EXOC4: variants seen among roughly 807,000 people sequenced by gnomAD.
EXOC4 encodes SEC8-like 1.
A neutral mutation model predicts 107.2 loss-of-function variants in EXOC4; 71 were observed. The observed-to-expected ratio is 0.66, with a 90% confidence interval of 0.55 to 0.81. EXOC4 has a LOEUF of 0.81. EXOC4 is among the 30% of genes least tolerant of loss of function. EXOC4 has a pLI of 0.00. For synonymous variants in EXOC4, 456 were observed against 441.2 expected, an observed-to-expected ratio of 1.03 and a Z score of -0.42; for missense variants, 1,108 against 1,189.6, an observed-to-expected ratio of 0.93 and a Z score of 1.01.
chr7:134,047,445 C>A (rs1171626954), intron 17 of EXOC4, among the ~76,000 whole-genome samples: 1 of 152,106 alleles, frequency 6.6e-6, no homozygotes, highest in Non-Finnish European at 1.5e-5. Context: ...GCCTGATTTT[C>A]TCTGCTGACT....
At chr7:133,749,671 G>A (rs1318809615) in intron 10 of EXOC4, among the ~76,000 whole-genome samples, 2 of 152,218 alleles carry the variant, frequency 1.3e-5, no homozygotes, top group African/African-American at 4.8e-5. Flanking sequence ...TGGGATTACA[G>A]GCATGAGCCA....
chr7:133,384,438 C>T (rs1240617046), intron 7 of EXOC4, among the ~76,000 whole-genome samples: 1 of 152,100 alleles, frequency 6.6e-6, no homozygotes, highest in African/African-American at 2.4e-5. Flanking sequence ...CTGTTAAAAG[C>T]CAAGTGTCCG....
intron 17 of EXOC4, among the ~76,000 whole-genome samples, chr7:134,051,177 C>T (rs770612074): frequency 9.2e-5 from 14 of 152,232 alleles, no homozygotes; most frequent in African/African-American, 2.2e-4. Context: ...GTGAAAATGA[C>T]GTTTTGATCT....
intron 12 of EXOC4, among the ~76,000 whole-genome samples, chr7:133,907,664 C>A (rs1195448982): frequency 6.6e-6 from 1 of 152,128 alleles, no homozygotes; most frequent in African/African-American, 2.4e-5. Flanking sequence ...CATGGTAAAA[C>A]CCCATCTCTA....
intron 4 of EXOC4, 54 bp downstream of exon 4, chr7:133,306,115 A>G: frequency 7.1e-7 from 1 of 1,416,776 alleles, no homozygotes; most frequent in Non-Finnish European, 9.5e-7. Flanking sequence ...ATTGGAAGGA[A>G]TATTTTTTGT....
the EXOC4 span, among the ~76,000 whole-genome samples, chr7:134,079,726 T>C: frequency 1.3e-5 from 2 of 152,198 alleles, no homozygotes; most frequent in African/African-American, 4.8e-5. Context: ...TCCTCCACAA[T>C]AGGACATCTA....
At chr7:133,539,592 G>A (rs886218620) in intron 9 of EXOC4, among the ~76,000 whole-genome samples, 1 of 150,862 alleles carries the variant, frequency 6.6e-6, no homozygotes, top group African/African-American at 2.4e-5. Context: ...AGTCTGTGGG[G>A]TGGGGGGGTA....
Position 133,821,508 on chromosome 7 carries a change from C to T in EXOC4, c.1734+3964C>T, listed in dbSNP as rs1373537991. ...ATTTTTTTTAGCATTTTGACATTGT[C>T]TGTTGAATCCAGTAATAAAAAATTG... is the stretch of plus-strand genomic sequence containing the variant. On this transcript the variant is annotated intron_variant, in intron 11 of 17. Transcript: ENST00000253861. Among the ~76,000 whole-genome samples, 3 of 152,118 alleles carry T rather than the reference C, an allele frequency of 2.0e-5. No individual in the cohort carries two copies. The East Asian group carries it at 5.8e-4, about 29-fold the overall frequency.
chr7:134,067,823 T>G (rs1440361527), downstream of EXOC4, among the ~76,000 whole-genome samples: 1 of 152,118 alleles, frequency 6.6e-6, no homozygotes, highest in Non-Finnish European at 1.5e-5. Flanking sequence ...CCACAAGCAC[T>G]TCTTTCTACC....
intron 10 of EXOC4, among the ~76,000 whole-genome samples, chr7:133,770,627 C>A (rs1040396045): frequency 6.6e-6 from 1 of 151,828 alleles, no homozygotes; most frequent in Non-Finnish European, 1.5e-5. Flanking sequence ...ATGTATATGT[C>A]CCGACCTTGA....
At chr7:133,528,905 C>A (rs1438877350) in intron 9 of EXOC4, among the ~76,000 whole-genome samples, 3 of 152,114 alleles carry the variant, frequency 2.0e-5, no homozygotes, top group African/African-American at 7.2e-5. Flanking sequence ...ATTTGCCCTG[C>A]ACCTCTGGCT....
intron 6 of EXOC4, among the ~76,000 whole-genome samples, chr7:133,369,101 GCAAA>G (rs1263201397): frequency 6.6e-6 from 1 of 152,162 alleles, no homozygotes; most frequent in Non-Finnish European, 1.5e-5. Context: ...GCAGCTAAAG[GCAAA>G]CAACTCTTTC....
intron 9 of EXOC4, among the ~76,000 whole-genome samples, chr7:133,539,997 A>G (rs1344297042): frequency 6.6e-6 from 1 of 151,990 alleles, no homozygotes; most frequent in Non-Finnish European, 1.5e-5. Flanking sequence ...TGATTTTTTG[A>G]TAATTCTGTA....
intron 7 of EXOC4, among the ~76,000 whole-genome samples, chr7:133,404,878 C>CA (rs1471716082): frequency 4.0e-4 from 26 of 65,730 alleles, no homozygotes; most frequent in African/African-American, 1.7e-3. Context: ...TGCGCCCCCC[C>CA]CCCCAATACA....
At chr7:134,073,681 T>A in the EXOC4 span, among the ~76,000 whole-genome samples, 1 of 152,096 alleles carries the variant, frequency 6.6e-6, no homozygotes, top group Non-Finnish European at 1.5e-5. Context: ...TTTTTAATTT[T>A]TAAAAATCAA....
At chr7:133,382,809 A>T (rs1401400317) in intron 7 of EXOC4, among the ~76,000 whole-genome samples, 2 of 152,174 alleles carry the variant, frequency 1.3e-5, no homozygotes, top group Non-Finnish European at 2.9e-5. Context: ...TGATCTTTTA[A>T]TGACTTCAGC....
intron 13 of EXOC4, among the ~76,000 whole-genome samples, chr7:133,933,598 G>T (rs937767904): frequency 1.3e-5 from 2 of 152,114 alleles, no homozygotes; most frequent in African/African-American, 4.8e-5. Context: ...GAAGATGAAG[G>T]GTACATAAAA....
chr7:133,317,717 T>A (rs1311490543), intron 5 of EXOC4, among the ~76,000 whole-genome samples: 1 of 152,114 alleles, frequency 6.6e-6, no homozygotes, highest in Non-Finnish European at 1.5e-5. Context: ...AGTCTCGCTC[T>A]GTTGCCCAGG....
intron 7 of EXOC4, among the ~76,000 whole-genome samples, chr7:133,393,272 T>G (rs1038292397): frequency 2.0e-5 from 3 of 152,186 alleles, no homozygotes; most frequent in Non-Finnish European, 4.4e-5. Context: ...TTAATCAGAT[T>G]AAAAAGGCTC....
Sources: allele counts gnomAD v4.1 joint callset (sites outside exome capture counted in the v4.1 genomes callset), GRCh38; gene constraint gnomAD v4.1.1; transcripts MANE v1.5; gene names NCBI Gene and HGNC (gene_info 2026-07-23, HGNC 2026-07-21).